WDR75: variants seen among roughly 807,000 people sequenced by gnomAD.
WDR75 encodes the protein WD repeat domain 75.
WDR75 carries 52 observed loss-of-function variants against 106.1 expected under a neutral mutation model. The observed-to-expected ratio is 0.49, with a 90% confidence interval of 0.39 to 0.62. The LOEUF is 0.62. WDR75 is among the 20% of genes least tolerant of loss of function. The pLI is 0.00. For missense variants in WDR75, 905 were observed against 970.3 expected (o/e 0.93, Z 0.89); for synonymous variants, 333 against 335.5 (o/e 0.99, Z 0.08).
At chr2:189,449,204 C>A (rs1303681039) in intron 2 of WDR75, 1 of 1,273,680 alleles carries the variant, frequency 7.9e-7, no homozygotes, top group East Asian at 5.6e-5. Context: ...ATATTTTGTT[C>A]TTGCTCTTAT....
intron 18 of WDR75, among the ~76,000 whole-genome samples, chr2:189,472,569 A>AT (rs75578004): frequency 0.17 from 25,641 of 149,766 alleles, 2,265 homozygotes; most frequent in South Asian, 0.21. Flanking sequence ...TTTCCATTAC[A>AT]TTTTTTTTTG....
intron 18 of WDR75, among the ~76,000 whole-genome samples, chr2:189,473,517 C>T (rs1213088460): frequency 6.6e-6 from 1 of 152,106 alleles, no homozygotes; most frequent in African/African-American, 2.4e-5. Context: ...TCTGAGAACC[C>T]CCTACATGAA....
chr2:189,462,657 T>G lies in WDR75; in HGVS notation c.937+15T>G, dbSNP rs774451542. The stretch of plus-strand genomic sequence containing the variant: ...CTCTGATAATAGTAAGTCTAAATTT[T>G]TTATTATGAGGAAATATATAAACAC... On this transcript the variant is annotated intron_variant, in intron 9 of 20. Coordinates refer to ENST00000314761, the MANE Select transcript of WDR75 (RefSeq NM_032168.3). 4 of 1,611,462 alleles carry G rather than the reference T, an allele frequency of 2.5e-6. No homozygotes were observed. The highest frequency in any genetic ancestry group is 2.5e-6 in the Non-Finnish European group (3 of 1,178,536).
At chr2:189,447,252 A>G (rs967939753) in intron 1 of WDR75, among the ~76,000 whole-genome samples, 2 of 152,212 alleles carry the variant, frequency 1.3e-5, no homozygotes, top group African/African-American at 4.8e-5. Context: ...TTGTTCTGTG[A>G]TAATATCGTG....
chr2:189,450,633 T>C, intron 2 of WDR75: 1 of 1,246,506 alleles, frequency 8.0e-7, no homozygotes, highest in Non-Finnish European at 1.0e-6. Flanking sequence ...CATATCTCAT[T>C]CAAAACCTTA....
chr2:189,467,593 G>A lies in WDR75; in HGVS notation c.1573G>A (p.Asp525Asn). Reference protein sequence around the residue: ...VSFEEIVTIWDSVTWELKCTF... With the variant: ...VSFEEIVTIWNSVTWELKCTF... ...TTTTGAGGAAATAGTCACAATATGG[G>A]ATTCTGTAACATGGGAACTTAAATG... The change falls in exon 14 of 21, where the codon GAT becomes AAT. Residue 525 changes from aspartate to asparagine, a missense_variant. Asp to Asn is a conservative substitution (Grantham distance 23). Transcript: ENST00000314761. 6.2e-7 allele frequency: 1 copy of A among 1,609,066 alleles called. No individual in the cohort carries two copies. The highest frequency in any genetic ancestry group is 8.5e-7 in the Non-Finnish European group (1 of 1,177,942).
chr2:189,466,800 T>G (rs1211130584), intron 13 of WDR75, among the ~76,000 whole-genome samples: 1 of 152,146 alleles, frequency 6.6e-6, no homozygotes, highest in Non-Finnish European at 1.5e-5. Flanking sequence ...ATGTGCTGAT[T>G]ATTCTGTTTT....
At chr2:189,461,680 C>CAT (rs1686885852) in intron 8 of WDR75, among the ~76,000 whole-genome samples, 1 of 152,140 alleles carries the variant, frequency 6.6e-6, no homozygotes, top group African/African-American at 2.4e-5. Context: ...TTGGTGTAGT[C>CAT]ATGCTGTCTG....
chr2:189,461,297 A>G (rs1686876872), intron 8 of WDR75, among the ~76,000 whole-genome samples: 1 of 152,214 alleles, frequency 6.6e-6, no homozygotes, highest in Non-Finnish European at 1.5e-5. Flanking sequence ...AGTCTTTTGC[A>G]GGCTTTTGTT....
At chr2:189,459,575 C>T (rs1686817625) in intron 8 of WDR75, 151 bp downstream of exon 8, 2 of 715,016 alleles carry the variant, frequency 2.8e-6, no homozygotes, top group Non-Finnish European at 4.7e-6. Context: ...GGGCTTTGCT[C>T]AGCACAATAT....
At chr2:189,451,270 T>A (rs1266410782) in intron 3 of WDR75, among the ~76,000 whole-genome samples, 1 of 152,110 alleles carries the variant, frequency 6.6e-6, no homozygotes, top group African/African-American at 2.4e-5. Flanking sequence ...AATATGTAAA[T>A]TCACAGAAAA....
chr2:189,474,895 C>A, intron 20 of WDR75, 87 bp downstream of exon 20: 1 of 1,071,050 alleles, frequency 9.3e-7, no homozygotes, highest in Non-Finnish European at 1.4e-6. Flanking sequence ...TATTCTTCCA[C>A]TGTATTTCTT....
At chr2:189,471,398 G>A (rs1275964218) in intron 18 of WDR75, among the ~76,000 whole-genome samples, 1 of 152,116 alleles carries the variant, frequency 6.6e-6, no homozygotes, top group African/African-American at 2.4e-5. Context: ...TGTTAAATTG[G>A]TTAGTTCAGT....
intron 8 of WDR75, 105 bp from the exon 9 acceptor site, chr2:189,462,379 T>C: frequency 7.9e-7 from 1 of 1,263,336 alleles, no homozygotes; most frequent in Non-Finnish European, 1.1e-6. Flanking sequence ...TTTAAATGAG[T>C]TTATTTCTCT....
rs769528595 is a variant in WDR75, at chr2:189,441,526, T to A, written c.34T>A (p.Cys12Ser). 10 of 1,565,822 alleles carry A rather than the reference T, an allele frequency of 6.4e-6. No individual in the cohort carries two copies. The highest frequency in any genetic ancestry group is 8.7e-6 in the Non-Finnish European group (10 of 1,154,032). The change falls in exon 1 of 21, where the codon TGT becomes AGT. Residue 12 changes from cysteine (C) to serine (S), a missense_variant. By Grantham distance (112) the Cys-to-Ser change is moderately radical. Transcript: ENST00000314761. ...GGAGGAGAACATCCGCGTGGTTCGT[T>A]GTGGCGGCAGCGAGTTGAACTTTAG... ...VEEENIRVVR[C>S]GGSELNFRRA...
intron 1 of WDR75, 98 bp from the exon 2 acceptor site, chr2:189,448,281 C>CA: frequency 7.4e-7 from 1 of 1,354,078 alleles, no homozygotes; most frequent in East Asian, 2.6e-5. Flanking sequence ...GCCAGGAGTT[C>CA]AAGACCACTG....
chr2:189,448,660 T>A, intron 2 of WDR75, 152 bp downstream of exon 2: 1 of 929,706 alleles, frequency 1.1e-6, no homozygotes, highest in Non-Finnish European at 1.7e-6. Context: ...TAAATTACAT[T>A]GCCTATAGCA....
At chr2:189,450,697 A>G (rs1686600120) in intron 2 of WDR75, 1 of 1,365,304 alleles carries the variant, frequency 7.3e-7, no homozygotes, top group Non-Finnish European at 9.3e-7. Flanking sequence ...CTTTTAGTTA[A>G]AACTTGAAAT....
chr2:189,450,405 C>T (rs998744431), intron 2 of WDR75: 6 of 954,762 alleles, frequency 6.3e-6, no homozygotes, highest in Non-Finnish European at 7.5e-6. Flanking sequence ...GTCTCCCAGG[C>T]TGGAGTACAG....
Sources: gnomAD v4.1 joint callset for allele counts (sites outside exome capture counted in the v4.1 genomes callset) on GRCh38, gnomAD v4.1.1 for gene constraint, MANE v1.5 for transcripts, NCBI Gene and HGNC (gene_info 2026-07-23, HGNC 2026-07-21) for gene names.